TPTE2: variants seen among roughly 807,000 people sequenced by gnomAD.
TPTE2 encodes transmembrane phosphoinositide 3-phosphatase and tensin homolog 2.
A neutral mutation model predicts 78.6 loss-of-function variants in TPTE2; 53 were observed. That is an observed-to-expected ratio of 0.67 (90% CI 0.54 to 0.85). TPTE2 has a LOEUF of 0.85. Among genes scored for constraint, TPTE2 ranks in the 40% least tolerant of loss-of-function variants. The pLI is 0.00. For synonymous variants in TPTE2, 175 were observed against 206.2 expected (o/e 0.85, Z 1.30); for missense variants, 461 against 623.0 (o/e 0.74, Z 2.77).
At chr13:19,444,329 AAAAAAAAAAAAAAAAAAAAAAAAAAAAGT>A (rs1877692555) in intron 13 of TPTE2, among the ~76,000 whole-genome samples, 1 of 72,318 alleles carries the variant, frequency 1.4e-5, no homozygotes, top group Non-Finnish European at 2.6e-5. Context: ...AAAAAAAAAA[AAAAAAAAAAAAAAAAAAAAAAAAAAAAGT>A]GAGTTTAGGA....
chr13:19,460,510 A>C (rs1300076655), intron 10 of TPTE2, among the ~76,000 whole-genome samples: 1 of 152,202 alleles, frequency 6.6e-6, no homozygotes, highest in African/African-American at 2.4e-5. Flanking sequence ...GCCATCTTGC[A>C]TCACTCTAAA....
At chr13:19,434,684 G>A (rs985478651) in intron 15 of TPTE2, among the ~76,000 whole-genome samples, 7 of 152,118 alleles carry the variant, frequency 4.6e-5, no homozygotes, top group Middle Eastern at 3.2e-3. Flanking sequence ...GTTTAGGGCC[G>A]GTAGTTAGAG....
intron 6 of TPTE2, among the ~76,000 whole-genome samples, chr13:19,471,583 ATTAT>A (rs1879615937): frequency 6.6e-6 from 1 of 152,014 alleles, no homozygotes. Flanking sequence ...TTGTCTCGCT[ATTAT>A]TTAACTTTTT....
intron 14 of TPTE2, among the ~76,000 whole-genome samples, chr13:19,437,328 C>CA (rs1877169011): frequency 6.6e-6 from 1 of 152,098 alleles, no homozygotes; most frequent in East Asian, 1.9e-4. Flanking sequence ...ACAACTCGAG[C>CA]AGAGCTGCTG....
intron 10 of TPTE2, among the ~76,000 whole-genome samples, chr13:19,452,224 C>A (rs758364966): frequency 3.3e-5 from 5 of 151,880 alleles, no homozygotes; most frequent in Non-Finnish European, 2.9e-5. Context: ...AAAATCCACA[C>A]GGGTTTAGAA....
chr13:19,423,209 A>G lies in TPTE2; in HGVS notation c.1467-45T>C, dbSNP rs750253194. 8 of 1,500,294 alleles carry G rather than the reference A, an allele frequency of 5.3e-6. No individual in the cohort carries two copies. The African/African-American group carries it at 7.1e-5, about 13-fold the overall frequency. 92.9% of individuals were successfully genotyped at this position (1,500,294 alleles called of 1,614,324 possible). A position where few individuals can be genotyped will look rare whatever the true frequency, so the allele number is the denominator to read the frequency against. Reference sequence around the variant, plus strand: ...ATTACATTTTATATTGGGGCTCACCAAAAAGCCACGCAGTTGGGTACCCAC... The same window carrying G: ...ATTACATTTTATATTGGGGCTCACCGAAAAGCCACGCAGTTGGGTACCCAC... On this transcript the variant is annotated intron_variant, in intron 19 of 19. Coordinates refer to ENST00000400230, the Ensembl canonical transcript of TPTE2.
intron 1 of TPTE2, among the ~76,000 whole-genome samples, chr13:19,526,704 C>A (rs1870524463): frequency 6.6e-6 from 1 of 151,720 alleles, no homozygotes; most frequent in Non-Finnish European, 1.5e-5. Context: ...GCACATGTAC[C>A]CTTGAACCTA....
At chr13:19,436,522 A>G (rs1356469835) in intron 14 of TPTE2, among the ~76,000 whole-genome samples, 1 of 152,022 alleles carries the variant, frequency 6.6e-6, no homozygotes, top group Non-Finnish European at 1.5e-5. Flanking sequence ...AAGTGATTCT[A>G]CTGCCTCAGC....
the TPTE2 span, among the ~76,000 whole-genome samples, chr13:19,557,826 T>G: frequency 6.6e-6 from 1 of 152,208 alleles, no homozygotes; most frequent in Non-Finnish European, 1.5e-5. Flanking sequence ...TTATTCTCTT[T>G]TTTTTCAAGT....
At chr13:19,484,109 A>T (rs946994816) in intron 3 of TPTE2, among the ~76,000 whole-genome samples, 1 of 152,168 alleles carries the variant, frequency 6.6e-6, no homozygotes, top group Admixed American at 6.5e-5. Context: ...AGCTAAAAAC[A>T]TACTTCTCAA....
intron 3 of TPTE2, among the ~76,000 whole-genome samples, chr13:19,483,049 T>TA (rs1308423595): frequency 6.6e-6 from 1 of 152,246 alleles, no homozygotes; most frequent in Non-Finnish European, 1.5e-5. Context: ...GTACATACTT[T>TA]AATTAAAAAC....
At chr13:19,525,069 A>C (rs1040148155) in intron 1 of TPTE2, among the ~76,000 whole-genome samples, 1 of 152,168 alleles carries the variant, frequency 6.6e-6, no homozygotes, top group Non-Finnish European at 1.5e-5. Context: ...AGAGAGGGCA[A>C]CATTGAAGTT....
In TPTE2 at chr13:19,482,127, C is replaced by T. The variant is rs1880393242; in HGVS notation, c.179+361G>A. Among the ~76,000 whole-genome samples the T allele has an allele frequency of 3.9e-5, 6 of 152,134 alleles. No individual in the cohort carries two copies. In the South Asian group the frequency reaches 1.2e-3, roughly 32 times the overall value. ...ACTATTTGCTCATAGGGAAAATCTACAAAATTGGGAATCACACCATATCCA... is the reference window on the plus strand; with the variant it reads ...ACTATTTGCTCATAGGGAAAATCTATAAAATTGGGAATCACACCATATCCA... On this transcript the variant is annotated intron_variant, in intron 4 of 19. Transcript: ENST00000400230.
chr13:19,488,464 C>T (rs916277687), intron 3 of TPTE2, among the ~76,000 whole-genome samples: 3 of 152,182 alleles, frequency 2.0e-5, no homozygotes, highest in Non-Finnish European at 4.4e-5. Context: ...TTAGTTTGGC[C>T]ACCTTCATCA....
intron 10 of TPTE2, among the ~76,000 whole-genome samples, chr13:19,460,446 C>T (rs906043594): frequency 2.0e-5 from 3 of 152,210 alleles, no homozygotes; most frequent in Non-Finnish European, 2.9e-5. Flanking sequence ...TGAATTCCCT[C>T]GCCCCTTTTC....
intron 10 of TPTE2, among the ~76,000 whole-genome samples, chr13:19,456,879 T>A (rs991209364): frequency 5.9e-5 from 9 of 152,136 alleles, no homozygotes; most frequent in African/African-American, 2.2e-4. Flanking sequence ...AGATAGTTTT[T>A]AAACAAAGAA....
intron 13 of TPTE2, among the ~76,000 whole-genome samples, chr13:19,439,738 G>C (rs890014930): frequency 2.7e-4 from 41 of 152,136 alleles, no homozygotes; most frequent in African/African-American, 9.2e-4. Flanking sequence ...TGAAGGAAGA[G>C]ATAAACATCT....
chr13:19,429,525 C>T (rs1434930386), intron 17 of TPTE2, among the ~76,000 whole-genome samples: 3 of 152,172 alleles, frequency 2.0e-5, no homozygotes, highest in Non-Finnish European at 2.9e-5. Flanking sequence ...CCTGCATCTA[C>T]CACTCAGTGG....
intron 1 of TPTE2, among the ~76,000 whole-genome samples, chr13:19,516,076 A>G (rs961129475): frequency 6.6e-6 from 1 of 152,224 alleles, no homozygotes; most frequent in African/African-American, 2.4e-5. Context: ...GAAGGTGAGA[A>G]TTGCAAACTG....
Sources: gnomAD v4.1 joint callset for allele counts (sites outside exome capture counted in the v4.1 genomes callset) on GRCh38, gnomAD v4.1.1 for gene constraint, MANE v1.5 for transcripts, NCBI Gene and HGNC (gene_info 2026-07-23, HGNC 2026-07-21) for gene names.